Variants in ACER3 observed in about 807,000 individuals in gnomAD.
ACER3 encodes the protein alkaline ceramidase 3.
A neutral mutation model predicts 48.9 loss-of-function variants in ACER3; 16 were observed. That is an observed-to-expected ratio of 0.33 (90% CI 0.22 to 0.50). The LOEUF is 0.50. ACER3 is among the 20% of genes least tolerant of loss of function. ACER3 has a pLI of 0.98. For synonymous variants in ACER3, 109 were observed against 107.8 expected (o/e 1.01, Z -0.07); for missense variants, 227 against 326.0 (o/e 0.70, Z 2.34).
At chr11:76,915,496 C>T (rs778313004) in intron 1 of ACER3, among the ~76,000 whole-genome samples, 6 of 151,982 alleles carry the variant, frequency 3.9e-5, no homozygotes, top group African/African-American at 9.7e-5. Context: ...GTGGACCATC[C>T]GGAAACAACC....
intron 3 of ACER3, among the ~76,000 whole-genome samples, chr11:76,964,206 T>A (rs547486578): frequency 6.6e-6 from 1 of 151,278 alleles, no homozygotes; most frequent in Non-Finnish European, 1.5e-5. Flanking sequence ...CCACGGAGCC[T>A]CTCTCACTGC....
intron 1 of ACER3, among the ~76,000 whole-genome samples, chr11:76,877,521 C>T (rs748041091): frequency 6.8e-6 from 1 of 146,312 alleles, no homozygotes; most frequent in Non-Finnish European, 1.5e-5. Context: ...TCCTTTTTTT[C>T]CCCCCCATTT....
chr11:77,003,449 C>G (rs1250882772), intron 7 of ACER3, among the ~76,000 whole-genome samples: 1 of 152,150 alleles, frequency 6.6e-6, no homozygotes, highest in Non-Finnish European at 1.5e-5. Flanking sequence ...AGTCTTCTCT[C>G]TTTCTTTTTT....
At chr11:76,870,695 C>T (rs1945221348) in intron 1 of ACER3, among the ~76,000 whole-genome samples, 1 of 152,098 alleles carries the variant, frequency 6.6e-6, no homozygotes, top group Non-Finnish European at 1.5e-5. Context: ...ACATAAGTTA[C>T]AATTGTTAAT....
chr11:77,019,351 C>T (rs1949431011), intron 9 of ACER3, among the ~76,000 whole-genome samples: 1 of 152,010 alleles, frequency 6.6e-6, no homozygotes, highest in South Asian at 2.1e-4. Flanking sequence ...CCCAGGTACT[C>T]AGGAGGCTGA....
At chr11:76,931,464 C>T (rs1309575823) in intron 2 of ACER3, among the ~76,000 whole-genome samples, 1 of 151,898 alleles carries the variant, frequency 6.6e-6, no homozygotes, top group African/African-American at 2.4e-5. Flanking sequence ...AGCCCATTTA[C>T]GTTTAAGGTT....
intron 2 of ACER3, among the ~76,000 whole-genome samples, chr11:76,933,173 C>CATATATATATATATATATATCTATAT (rs144524712): frequency 7.7e-6 from 1 of 129,598 alleles, no homozygotes; most frequent in African/African-American, 2.7e-5. Flanking sequence ...ATACGTATTT[C>CATATATATATATATATATATCTATAT]ATATATATAT....
chr11:77,023,638 A>G lies in ACER3; in HGVS notation c.*3311A>G, dbSNP rs77668792. 6.1e-3 allele frequency: 960 copies of G among 157,026 alleles called. 5 individuals are homozygous for G. The highest frequency in any genetic ancestry group is 0.019 in the Middle Eastern group (6 of 320). The allele number at this position is 157,026 out of a possible 1,614,324, so 9.7% of individuals were successfully genotyped here. On this transcript the variant is annotated 3_prime_UTR_variant, in exon 11 of 11. Coordinates refer to ENST00000532485, the MANE Select transcript of ACER3 (RefSeq NM_018367.7). ...AGTATTTCAAAGAGAACCATTTACA[A>G]TTGGAATTTCCACCTGTGTGGCTGT...
chr11:76,958,284 T>G (rs978520625), intron 2 of ACER3, among the ~76,000 whole-genome samples: 54 of 151,800 alleles, frequency 3.6e-4, no homozygotes, highest in African/African-American at 1.2e-3. Flanking sequence ...TCTTCTGGGT[T>G]CAAACGATTC....
chr11:76,946,065 C>T (rs934571067), intron 2 of ACER3, among the ~76,000 whole-genome samples: 1 of 152,172 alleles, frequency 6.6e-6, no homozygotes, highest in African/African-American at 2.4e-5. Flanking sequence ...GAGGGCAAGG[C>T]CCCTCTCAGG....
At chr11:76,899,012 A>G (rs1434367685) in intron 1 of ACER3, among the ~76,000 whole-genome samples, 1 of 151,708 alleles carries the variant, frequency 6.6e-6, no homozygotes, top group Admixed American at 6.6e-5. Flanking sequence ...CAACAACTAG[A>G]TCTGATGAGA....
At chr11:77,014,501 G>T (rs1483996359) in intron 7 of ACER3, among the ~76,000 whole-genome samples, 1 of 151,996 alleles carries the variant, frequency 6.6e-6, no homozygotes, top group Non-Finnish European at 1.5e-5. Context: ...ATGAATGAAT[G>T]TGTGTGTGTG....
At chr11:76,956,501 A>G (rs1268111465) in intron 2 of ACER3, among the ~76,000 whole-genome samples, 1 of 152,138 alleles carries the variant, frequency 6.6e-6, no homozygotes, top group Non-Finnish European at 1.5e-5. Flanking sequence ...AACTGTAGAG[A>G]TCTCTAAAAA....
intron 1 of ACER3, among the ~76,000 whole-genome samples, chr11:76,885,013 C>T (rs916260717): frequency 6.6e-6 from 1 of 152,200 alleles, no homozygotes; most frequent in Non-Finnish European, 1.5e-5. Flanking sequence ...AATCAATCCA[C>T]CTGCCTTGGC....
At chr11:76,913,182 G>A (rs1212065682) in intron 1 of ACER3, among the ~76,000 whole-genome samples, 1 of 152,018 alleles carries the variant, frequency 6.6e-6, no homozygotes, top group Non-Finnish European at 1.5e-5. Flanking sequence ...TCTGTTATTG[G>A]TGTATAAGAA....
chr11:77,005,593 T>G (rs1555020723), intron 7 of ACER3, among the ~76,000 whole-genome samples: 1 of 152,118 alleles, frequency 6.6e-6, no homozygotes, highest in Non-Finnish European at 1.5e-5. Flanking sequence ...TGGGAAATTC[T>G]TTCTTACCTC....
intron 4 of ACER3, among the ~76,000 whole-genome samples, chr11:76,982,457 C>T (rs532146336): frequency 1.7e-4 from 26 of 152,164 alleles, no homozygotes; most frequent in East Asian, 5.8e-4. Flanking sequence ...CCTTGTGATC[C>T]GCCTGCCTTG....
At chr11:76,963,315 A>AGACAGTTTTG (rs58411013) in intron 3 of ACER3, among the ~76,000 whole-genome samples, 4 of 33,858 alleles carry the variant, frequency 1.2e-4, no homozygotes, top group Non-Finnish European at 6.2e-4. Flanking sequence ...GAAGTTATGC[A>AGACAGTTTTG]TAGATAAGTT....
intron 1 of ACER3, among the ~76,000 whole-genome samples, chr11:76,910,352 A>G (rs938142185): frequency 5.3e-5 from 8 of 152,176 alleles, no homozygotes; most frequent in African/African-American, 1.9e-4. Flanking sequence ...AAAAAAGACT[A>G]CATATAATTC....
Sources: allele counts gnomAD v4.1 joint callset (sites outside exome capture counted in the v4.1 genomes callset), GRCh38; gene constraint gnomAD v4.1.1; transcripts MANE v1.5; gene names NCBI Gene and HGNC (gene_info 2026-07-23, HGNC 2026-07-21).